Variants in KANK1 observed in about 807,000 individuals in gnomAD.
The protein encoded by KANK1 is KN motif and ankyrin repeat domain-containing protein 1.
In KANK1, 109 loss-of-function variants were observed where a neutral mutation model predicts 106.2. The observed-to-expected ratio is 1.03, with a 90% confidence interval of 0.88 to 1.20. KANK1 has a LOEUF of 1.20. Among genes scored for constraint, KANK1 ranks in the 50% most tolerant of loss-of-function variants. KANK1 has a pLI of 0.00. For missense variants in KANK1, 2,399 were observed against 1,710.7 expected (o/e 1.40, Z -7.10); for synonymous variants, 873 against 652.2 (o/e 1.34, Z -5.16).
chr9:530,949 A>G (rs1193680076), intron 1 of KANK1, among the ~76,000 whole-genome samples: 3 of 151,602 alleles, frequency 2.0e-5, no homozygotes, highest in Non-Finnish European at 4.4e-5. Context: ...GAGTGAGACA[A>G]CATCTCAATA....
At chr9:615,080 A>G (rs547334492) in intron 1 of KANK1, among the ~76,000 whole-genome samples, 2 of 151,964 alleles carry the variant, frequency 1.3e-5, no homozygotes, top group East Asian at 3.9e-4. Context: ...GCTGGTACCA[A>G]AGGTGTGCGC....
intron 1 of KANK1, among the ~76,000 whole-genome samples, chr9:673,306 T>C (rs1227131529): frequency 6.7e-6 from 1 of 150,020 alleles, no homozygotes; most frequent in East Asian, 2.1e-4. Context: ...TGCCTCCCTG[T>C]TCAAGTGATT....
intron 2 of KANK1, chr9:685,455 C>T (rs534663914): frequency 6.6e-6 from 1 of 152,134 alleles, no homozygotes; most frequent in East Asian, 1.9e-4. Context: ...TAAGGGAGAG[C>T]TGTGCTAAGG....
intron 3 of KANK1, among the ~76,000 whole-genome samples, chr9:727,348 C>T (rs1018180666): frequency 1.8e-4 from 28 of 151,604 alleles, no homozygotes; most frequent in African/African-American, 6.8e-4. Context: ...TAGAGTCTCG[C>T]TCTGCCGCCC....
intron 2 of KANK1, among the ~76,000 whole-genome samples, chr9:687,419 T>C (rs1195698986): frequency 1.3e-5 from 2 of 152,224 alleles, no homozygotes; most frequent in Non-Finnish European, 2.9e-5. Flanking sequence ...CTCTGAACTT[T>C]TGTTTTGGAC....
At chr9:534,541 G>T (rs572958932) in intron 1 of KANK1, among the ~76,000 whole-genome samples, 20 of 152,328 alleles carry the variant, frequency 1.3e-4, no homozygotes, top group African/African-American at 4.8e-4. Context: ...TACCAGCAGA[G>T]AATTATTTAA....
At chr9:732,131 C>T (rs981624969) in intron 5 of KANK1, 12 of 361,798 alleles carry the variant, frequency 3.3e-5, no homozygotes, top group Non-Finnish European at 5.6e-5. Flanking sequence ...GCCGGAGATG[C>T]CATTATTTTC....
In KANK1 at chr9:691,611, ATTTTTT is replaced by A. The variant is rs767618077; in HGVS notation, c.37+14616_37+14621del. Among the ~76,000 whole-genome samples the A allele has an allele frequency of 2.6e-3, 186 of 71,076 alleles. 4 individuals are homozygous for A. Among genetic ancestry groups the A allele is most frequent in the African/African-American group, 8.2e-3 (177 of 21,624 alleles). 46.6% of individuals were successfully genotyped at this position (71,076 alleles called of 152,430 possible). A position where few individuals can be genotyped will look rare whatever the true frequency, so the allele number is the denominator to read the frequency against. Reference sequence around the variant, plus strand: ...AATAATGTAACTAAATAATACCAGAATTTTTTTTTTTTTTTTTTTGAGACCAGAGTC... The same window carrying A: ...AATAATGTAACTAAATAATACCAGAATTTTTTTTTTTTTGAGACCAGAGTC... On this transcript the variant is annotated intron_variant, in intron 2 of 11. Transcript: ENST00000382297.
intron 2 of KANK1, among the ~76,000 whole-genome samples, chr9:682,047 A>G (rs1211410423): frequency 1.3e-5 from 2 of 152,160 alleles, no homozygotes; most frequent in East Asian, 3.8e-4. Context: ...TGGGAGGCCG[A>G]TGCAGGTGGA....
At chr9:552,752 G>A (rs961623933) in intron 1 of KANK1, among the ~76,000 whole-genome samples, 3 of 152,160 alleles carry the variant, frequency 2.0e-5, no homozygotes, top group Non-Finnish European at 4.4e-5. Context: ...ATTTTGAAAT[G>A]TTTTCTCTTG....
rs752403786 is a variant in KANK1 at position 628,952 on chromosome 9, C to T, written c.-83-47938C>T. Among the ~76,000 whole-genome samples, 64 of 150,736 alleles carry T rather than the reference C, an allele frequency of 4.2e-4. 1 individual carries two copies. Among genetic ancestry groups the T allele is most frequent in the Non-Finnish European group, 5.4e-4 (37 of 67,980 alleles). ...AAAATTAGCTGGGCATGGTGATGGG[C>T]GCCTGTAATCCCAGCTACTCAGGAG... On this transcript the variant is annotated intron_variant, in intron 1 of 11. Coordinates refer to ENST00000382297, the MANE Select transcript of KANK1 (RefSeq NM_015158.5).
At chr9:562,429 C>G (rs1193720008) in intron 1 of KANK1, among the ~76,000 whole-genome samples, 5 of 152,210 alleles carry the variant, frequency 3.3e-5, no homozygotes, top group African/African-American at 1.2e-4. Context: ...GGACAAAAAG[C>G]TGCTCTAGAT....
chr9:725,465 C>A (rs1830407646), intron 3 of KANK1, among the ~76,000 whole-genome samples: 1 of 148,400 alleles, frequency 6.7e-6, no homozygotes, highest in Non-Finnish European at 1.5e-5. Context: ...AGCCCTCACT[C>A]CAGCCTGGGT....
At chr9:509,161 G>A (rs769438097) in intron 1 of KANK1, among the ~76,000 whole-genome samples, 5 of 152,044 alleles carry the variant, frequency 3.3e-5, no homozygotes, top group Non-Finnish European at 5.9e-5. Context: ...GCAGTGGCGC[G>A]ATCTTGACTC....
At chr9:475,563 G>A (rs1342769276) in intron 3 of KANK1, among the ~76,000 whole-genome samples, 1 of 152,134 alleles carries the variant, frequency 6.6e-6, no homozygotes, top group African/African-American at 2.4e-5. Flanking sequence ...TATCTAGGGG[G>A]TCTGGGGAGT....
intron 1 of KANK1, among the ~76,000 whole-genome samples, chr9:645,882 T>C (rs1839566264): frequency 6.6e-6 from 1 of 151,012 alleles, no homozygotes. Context: ...CACATTGGTC[T>C]ATACAACAAA....
chr9:639,430 C>T (rs1370347445), intron 1 of KANK1, among the ~76,000 whole-genome samples: 1 of 152,130 alleles, frequency 6.6e-6, no homozygotes, highest in African/African-American at 2.4e-5. Flanking sequence ...GATTCTTTTG[C>T]CTCAGCCTCC....
chr9:591,003 AAAAC>A (rs1588078018), intron 1 of KANK1, among the ~76,000 whole-genome samples: 2 of 151,804 alleles, frequency 1.3e-5, no homozygotes, highest in African/African-American at 2.4e-5. Flanking sequence ...AGTGGAGTTT[AAAAC>A]AAACAAACAA....
At chr9:608,384 C>G (rs1230772039) in intron 1 of KANK1, among the ~76,000 whole-genome samples, 1 of 151,418 alleles carries the variant, frequency 6.6e-6, no homozygotes, top group Non-Finnish European at 1.5e-5. Flanking sequence ...TGACCATAGA[C>G]CAACTCTCCT....
Sources: allele counts gnomAD v4.1 joint callset (sites outside exome capture counted in the v4.1 genomes callset), GRCh38; gene constraint gnomAD v4.1.1; transcripts MANE v1.5; gene names NCBI Gene and HGNC (gene_info 2026-07-23, HGNC 2026-07-21).